RANBP9: variants seen among roughly 807,000 people sequenced by gnomAD.
RANBP9 encodes ran-binding protein 9.
A neutral mutation model predicts 84.3 loss-of-function variants in RANBP9; 15 were observed. That is an observed-to-expected ratio of 0.18 (90% CI 0.12 to 0.27). The LOEUF (loss-of-function observed/expected upper bound fraction) is 0.27, where lower values mean the gene tolerates loss of function less well. Among genes scored for constraint, RANBP9 ranks in the 10% least tolerant of loss-of-function variants. The probability of loss-of-function intolerance (pLI) is 1.00; values close to 1 mark genes in which losing one functional copy is unlikely to be tolerated. For synonymous variants in RANBP9, 392 were observed against 349.6 expected (o/e 1.12, Z -1.35); for missense variants, 809 against 912.8 (o/e 0.89, Z 1.46).
In RANBP9 at chr6:13,635,827, TA is replaced by T. The variant is rs533927034; in HGVS notation, c.1674-1276del. ...TACTAAACTTTTTTTTTTTTTTTGATAACTCAGTTTAGTATTTGGAAGGAAC... is the reference window on the plus strand; with the variant it reads ...TACTAAACTTTTTTTTTTTTTTTGATACTCAGTTTAGTATTTGGAAGGAAC... On this transcript the variant is annotated intron_variant, in intron 10 of 13. Coordinates refer to ENST00000011619, the MANE Select transcript of RANBP9 (RefSeq NM_005493.3). 2.4e-4 allele frequency among the ~76,000 whole-genome samples: 36 copies of T among 151,750 alleles called. No homozygotes were observed. The South Asian group carries it at 7.1e-3, about 30-fold the overall frequency.
chr6:13,639,460 G>A (rs1469188341), intron 9 of RANBP9, 103 bp downstream of exon 9: 1 of 1,272,912 alleles, frequency 7.9e-7, no homozygotes, highest in South Asian at 1.5e-5. Flanking sequence ...TTACAAGCGT[G>A]AGCCACCGTG....
At chr6:13,644,471 T>C (rs1765135010) in intron 6 of RANBP9, 74 bp downstream of exon 6, 2 of 1,454,622 alleles carry the variant, frequency 1.4e-6, no homozygotes, top group East Asian at 4.7e-5. Flanking sequence ...AAAGCTTCTG[T>C]GGATACCAAC....
At chr6:13,708,170 C>T (rs553949285) in intron 1 of RANBP9, among the ~76,000 whole-genome samples, 38 of 152,134 alleles carry the variant, frequency 2.5e-4, no homozygotes, top group Non-Finnish European at 5.0e-4. Flanking sequence ...GCTTGTAATT[C>T]CAGTACTTTG....
rs139894162 is a variant in RANBP9, at chr6:13,674,052, C to G, written c.684-15220G>C. On this transcript the variant is annotated intron_variant, in intron 2 of 13. Coordinates refer to ENST00000011619, the MANE Select transcript of RANBP9 (RefSeq NM_005493.3). ...TGAGCTGAGATCCCGCCACTGCACT[C>G]CAGCCTGGGTGACAGAGGGAGACCT... Among the ~76,000 whole-genome samples, 474 of 151,426 alleles carry G rather than the reference C, an allele frequency of 3.1e-3. 2 individuals carry two copies. Among genetic ancestry groups the G allele is most frequent in the African/African-American group, 0.011 (434 of 41,206 alleles).
intron 2 of RANBP9, among the ~76,000 whole-genome samples, chr6:13,674,834 T>G (rs1765853803): frequency 6.6e-6 from 1 of 152,188 alleles, no homozygotes; most frequent in Non-Finnish European, 1.5e-5. Flanking sequence ...TACCCTTACT[T>G]TAAAGTAGTT....
At chr6:13,656,898 A>G (rs1183449754) in intron 4 of RANBP9, among the ~76,000 whole-genome samples, 3 of 152,128 alleles carry the variant, frequency 2.0e-5, no homozygotes, top group Non-Finnish European at 4.4e-5. Context: ...TCCTATACAT[A>G]TATGTATTAT....
intron 2 of RANBP9, among the ~76,000 whole-genome samples, chr6:13,683,838 T>G (rs569755225): frequency 2.6e-5 from 4 of 151,740 alleles, no homozygotes; most frequent in Admixed American, 6.6e-5. Flanking sequence ...GAGGTAAGGG[T>G]GATTTGGGAT....
chr6:13,675,783 C>A (rs1410238901), intron 2 of RANBP9, among the ~76,000 whole-genome samples: 1 of 150,016 alleles, frequency 6.7e-6, no homozygotes. Context: ...ACATAAGAAA[C>A]TATTATTATC....
intron 2 of RANBP9, among the ~76,000 whole-genome samples, chr6:13,666,878 G>T (rs1007925014): frequency 2.6e-5 from 4 of 152,106 alleles, no homozygotes; most frequent in Non-Finnish European, 4.4e-5. Flanking sequence ...GTTACCACTT[G>T]TGAGTTACTG....
At chr6:13,695,802 A>T (rs1766431186) in intron 2 of RANBP9, among the ~76,000 whole-genome samples, 1 of 152,160 alleles carries the variant, frequency 6.6e-6, no homozygotes, top group South Asian at 2.1e-4. Context: ...TCTGTTGCTC[A>T]TACTGTTGAC....
In RANBP9 at chr6:13,641,803, G is replaced by A. The variant is rs192662192; in HGVS notation, c.1226-496C>T. ...TTCAACAGAGCTTATTAAAATAGTA[G>A]AAAAGGACAGCACACAATTAACTAC... is the stretch of plus-strand genomic sequence containing the variant. On this transcript the variant is annotated intron_variant, in intron 7 of 13. Coordinates refer to ENST00000011619, the MANE Select transcript of RANBP9 (RefSeq NM_005493.3). Among the ~76,000 whole-genome samples the A allele has an allele frequency of 4.2e-3, 646 of 152,260 alleles. 3 individuals carry two copies. The highest frequency in any genetic ancestry group is 0.015 in the African/African-American group (617 of 41,552).
intron 6 of RANBP9, among the ~76,000 whole-genome samples, 176 bp downstream of exon 6, chr6:13,644,369 A>G (rs1406430038): frequency 6.6e-6 from 1 of 152,180 alleles, no homozygotes; most frequent in Non-Finnish European, 1.5e-5. Flanking sequence ...AATTGTTTTT[A>G]ATTTGTTTAA....
chr6:13,705,868 C>CAAAAAAAAAAAAAAAAAAAAAAAAAAAA (rs767070995), intron 1 of RANBP9, among the ~76,000 whole-genome samples: 16 of 76,746 alleles, frequency 2.1e-4, no homozygotes, highest in South Asian at 4.8e-4. Flanking sequence ...GACTCCGTCT[C>CAAAAAAAAAAAAAAAAAAAAAAAAAAAA]AAAAAAAAAA....
intron 5 of RANBP9, among the ~76,000 whole-genome samples, chr6:13,648,996 T>C (rs961274105): frequency 7.9e-5 from 12 of 152,312 alleles, no homozygotes; most frequent in African/African-American, 2.6e-4. Flanking sequence ...ATCTAAGGTT[T>C]TCAAAGCTGT....
At chr6:13,709,763 G>C (rs1758226674) in intron 1 of RANBP9, among the ~76,000 whole-genome samples, 1 of 152,202 alleles carries the variant, frequency 6.6e-6, no homozygotes, top group African/African-American at 2.4e-5. Context: ...TCGCCTTTCT[G>C]ATTAAATAGT....
At chr6:13,709,054 T>TA (rs546338501) in intron 1 of RANBP9, among the ~76,000 whole-genome samples, 117 of 152,300 alleles carry the variant, frequency 7.7e-4, no homozygotes, top group African/African-American at 2.7e-3. Flanking sequence ...CAGAAAGTAA[T>TA]AAAGAGGCCA....
At chr6:13,696,248 T>C (rs1389385631) in intron 2 of RANBP9, among the ~76,000 whole-genome samples, 1 of 151,996 alleles carries the variant, frequency 6.6e-6, no homozygotes, top group Non-Finnish European at 1.5e-5. Flanking sequence ...CACACACCAA[T>C]CCCAAGCTGA....
At chr6:13,659,369 T>C (rs1259054051) in intron 2 of RANBP9, among the ~76,000 whole-genome samples, 1 of 152,102 alleles carries the variant, frequency 6.6e-6, no homozygotes, top group Admixed American at 6.6e-5. Context: ...CCCCAAGGTA[T>C]GTATTTTCTA....
At chr6:13,692,663 G>GC (rs1161569537) in intron 2 of RANBP9, among the ~76,000 whole-genome samples, 1 of 151,676 alleles carries the variant, frequency 6.6e-6, no homozygotes, top group East Asian at 1.9e-4. Flanking sequence ...ACCAGCCTGG[G>GC]CAACAGGGTG....
Sources: allele counts gnomAD v4.1 joint callset (sites outside exome capture counted in the v4.1 genomes callset), GRCh38; gene constraint gnomAD v4.1.1; transcripts MANE v1.5; gene names NCBI Gene and HGNC (gene_info 2026-07-23, HGNC 2026-07-21).